The following PPP2R2B variants were observed in gnomAD, a reference collection of about 807,000 sequenced individuals.
PPP2R2B encodes the protein protein phosphatase 2 regulatory subunit Bbeta, also known as serine/threonine-protein phosphatase 2A 55 kDa regulatory subunit B beta isoform.
PPP2R2B carries 5 observed loss-of-function variants against 46.0 expected under a neutral mutation model. The observed-to-expected ratio is 0.11, with a 90% CI of 0.06 to 0.23. PPP2R2B has a LOEUF of 0.23. Ranked by LOEUF, PPP2R2B falls within the 10% of genes least tolerant of loss-of-function variation. The pLI is 1.00. For synonymous variants in PPP2R2B, 215 were observed against 206.7 expected (o/e 1.04, Z -0.34); for missense variants, 367 against 575.0 (o/e 0.64, Z 3.70).
At chr5:146,653,661 G>C (rs1776135512) in intron 5 of PPP2R2B, among the ~76,000 whole-genome samples, 2 of 152,154 alleles carry the variant, frequency 1.3e-5, no homozygotes, top group Non-Finnish European at 2.9e-5. Flanking sequence ...CGACATGGGA[G>C]GGAGCATGCA....
At chr5:147,021,264 G>T (rs2151885055) in intron 1 of PPP2R2B, among the ~76,000 whole-genome samples, 1 of 152,268 alleles carries the variant, frequency 6.6e-6, no homozygotes, top group South Asian at 2.1e-4. Context: ...GAACCCTGGG[G>T]TAAGAAAGGG....
rs76637129 is a variant in PPP2R2B, at chr5:147,022,092, T to A, written c.79+33573A>T. Among the ~76,000 whole-genome samples, 1,388 of 152,050 alleles carry A rather than the reference T, an allele frequency of 9.1e-3. 61 individuals carry two copies. In the East Asian group the frequency reaches 0.14, roughly 15 times the overall value. On this transcript the variant is annotated intron_variant, in intron 1 of 8. Coordinates refer to the PPP2R2B transcript ENST00000336640. ...AAAATAAGTTAAAAAAACAATAAAA[T>A]TGAAGATGGGGTATAAAATTATTCA...
chr5:146,739,987 G>A (rs1387576228), intron 2 of PPP2R2B, among the ~76,000 whole-genome samples: 1 of 152,140 alleles, frequency 6.6e-6, no homozygotes, highest in Non-Finnish European at 1.5e-5. Flanking sequence ...ATGTGGGTGC[G>A]AATATGTGCA....
rs371853618 is a variant in PPP2R2B at position 146,744,567 on chromosome 5, T to C, written c.71-43425A>G. 4.4e-4 allele frequency among the ~76,000 whole-genome samples: 67 copies of C among 152,294 alleles called. No homozygotes were observed. In the East Asian group the frequency reaches 4.8e-3, roughly 11 times the overall value. ...GAAATTCCACTCCTACCCTCACATGTGTCACCAGGGAACCATCCTGTGTGC... is the reference window on the plus strand; with the variant it reads ...GAAATTCCACTCCTACCCTCACATGCGTCACCAGGGAACCATCCTGTGTGC... On this transcript the variant is annotated intron_variant, in intron 2 of 9. Coordinates refer to ENST00000394411, the MANE Select transcript of PPP2R2B (RefSeq NM_181675.4).
intron 7 of PPP2R2B, among the ~76,000 whole-genome samples, chr5:146,603,838 C>G (rs1446469461): frequency 6.6e-6 from 1 of 152,052 alleles, no homozygotes; most frequent in Non-Finnish European, 1.5e-5. Flanking sequence ...GTTTTATAAC[C>G]AGTCCAGGGA....
At chr5:146,650,799 T>C in intron 5 of PPP2R2B, 75 bp from the exon 6 acceptor site, 2 of 1,355,242 alleles carry the variant, frequency 1.5e-6, no homozygotes, top group Non-Finnish European at 2.0e-6. Context: ...GCTAATATCA[T>C]TTATTATCAC....
intron 2 of PPP2R2B, among the ~76,000 whole-genome samples, chr5:146,869,442 G>A (rs1351114603): frequency 1.3e-5 from 2 of 152,282 alleles, no homozygotes; most frequent in East Asian, 3.9e-4. Context: ...ATGGAGCACC[G>A]TGCAGCCATT....
chr5:146,792,151 A>G (rs1227512109), intron 2 of PPP2R2B, among the ~76,000 whole-genome samples: 1 of 152,202 alleles, frequency 6.6e-6, no homozygotes, highest in East Asian at 1.9e-4. Flanking sequence ...CGGGTAACAT[A>G]GCTAGGCTCT....
intron 2 of PPP2R2B, among the ~76,000 whole-genome samples, chr5:146,876,285 T>A (rs1398752510): frequency 6.6e-6 from 1 of 152,168 alleles, no homozygotes. Flanking sequence ...CAATAAAGAA[T>A]GCCATTTTTA....
intron 1 of PPP2R2B, among the ~76,000 whole-genome samples, chr5:146,902,070 G>T (rs1249470196): frequency 3.3e-5 from 5 of 152,116 alleles, no homozygotes; most frequent in Non-Finnish European, 7.4e-5. Context: ...ACTGATGTAT[G>T]GTTGCATGTT....
At chr5:146,805,013 AC>A (rs570462072) in intron 2 of PPP2R2B, among the ~76,000 whole-genome samples, 139 of 152,296 alleles carry the variant, frequency 9.1e-4, no homozygotes, top group African/African-American at 3.2e-3. Flanking sequence ...CCAAGATGGC[AC>A]CATAAACAAC....
At chr5:146,666,147 C>T (rs757970641) in intron 5 of PPP2R2B, among the ~76,000 whole-genome samples, 3 of 152,140 alleles carry the variant, frequency 2.0e-5, no homozygotes, top group Non-Finnish European at 2.9e-5. Context: ...AGAATATCTG[C>T]AGCTCTTTCA....
intron 6 of PPP2R2B, among the ~76,000 whole-genome samples, chr5:146,642,494 G>A (rs1775287153): frequency 6.6e-6 from 1 of 152,178 alleles, no homozygotes; most frequent in African/African-American, 2.4e-5. Flanking sequence ...ACAGAACAAG[G>A]AAGTGATTAG....
At chr5:147,060,263 T>C (rs80321852), upstream of PPP2R2B, among the ~76,000 whole-genome samples, 1,134 of 152,260 alleles carry the variant, frequency 7.4e-3, 13 homozygotes, top group African/African-American at 0.026. Context: ...TGAGCATATT[T>C]ATTGAATACT....
intron 7 of PPP2R2B, among the ~76,000 whole-genome samples, chr5:146,633,618 C>T (rs1302753650): frequency 6.6e-6 from 1 of 152,240 alleles, no homozygotes; most frequent in Non-Finnish European, 1.5e-5. Flanking sequence ...CAATTCAGAA[C>T]TCTGTTGGTG....
chr5:146,907,832 A>G (rs1352653432), intron 1 of PPP2R2B, among the ~76,000 whole-genome samples: 1 of 152,156 alleles, frequency 6.6e-6, no homozygotes, highest in Non-Finnish European at 1.5e-5. Context: ...CCTCAATCAA[A>G]TGGTGAGGTT....
At chr5:146,764,048 A>G (rs982041695) in intron 2 of PPP2R2B, among the ~76,000 whole-genome samples, 4 of 152,138 alleles carry the variant, frequency 2.6e-5, no homozygotes, top group African/African-American at 9.7e-5. Context: ...ATAATTATTA[A>G]AAGGAATTTC....
At chr5:146,672,982 G>A (rs1240376007) in intron 5 of PPP2R2B, among the ~76,000 whole-genome samples, 1 of 152,192 alleles carries the variant, frequency 6.6e-6, no homozygotes, top group Non-Finnish European at 1.5e-5. Context: ...TTGCAGGGAA[G>A]CTAAGTTTAC....
intron 1 of PPP2R2B, among the ~76,000 whole-genome samples, chr5:146,991,026 C>T (rs1020068007): frequency 2.6e-5 from 4 of 151,922 alleles, no homozygotes; most frequent in African/African-American, 9.7e-5. Context: ...TGAGATGTCA[C>T]CTCAACCCAG....
Sources: gnomAD v4.1 joint callset for allele counts (sites outside exome capture counted in the v4.1 genomes callset) on GRCh38, gnomAD v4.1.1 for gene constraint, MANE v1.5 for transcripts, NCBI Gene and HGNC (gene_info 2026-07-23, HGNC 2026-07-21) for gene names.